The following PXDNL variants were observed in gnomAD, a reference collection of about 807,000 sequenced individuals.
PXDNL encodes peroxidasin like.
In PXDNL, 145 loss-of-function variants were observed where a neutral mutation model predicts 150.8. That is an observed-to-expected ratio of 0.96 (90% CI 0.84 to 1.10). The LOEUF is 1.10. Among genes scored for constraint, PXDNL ranks in the 50% least tolerant of loss-of-function variants. The probability of loss-of-function intolerance (pLI) is 0.00; values close to 1 mark genes in which losing one functional copy is unlikely to be tolerated. For missense variants in PXDNL, 2,087 were observed against 1,873.9 expected, an observed-to-expected ratio of 1.11 and a Z score of -2.10; for synonymous variants, 757 against 725.7, an observed-to-expected ratio of 1.04 and a Z score of -0.69.
intron 12 of PXDNL, chr8:51,435,764 G>C: frequency 2.5e-6 from 1 of 402,150 alleles, no homozygotes; most frequent in South Asian, 2.2e-5. Context: ...TTGCAAGGGG[G>C]AGTGAAAAAA....
intron 1 of PXDNL, among the ~76,000 whole-genome samples, chr8:51,719,543 C>T (rs1335180530): frequency 6.6e-6 from 1 of 151,998 alleles, no homozygotes; most frequent in African/African-American, 2.4e-5. Context: ...AACCAGAGAC[C>T]TTTGTTCACT....
At chr8:51,637,048 C>G (rs1249750383) in intron 2 of PXDNL, among the ~76,000 whole-genome samples, 2 of 152,158 alleles carry the variant, frequency 1.3e-5, no homozygotes, top group African/African-American at 4.8e-5. Flanking sequence ...ATTCACTGCT[C>G]TGCAGCCTCC....
chr8:51,509,085 C>A (rs1219128457), intron 4 of PXDNL, among the ~76,000 whole-genome samples: 1 of 152,142 alleles, frequency 6.6e-6, no homozygotes, highest in South Asian at 2.1e-4. Context: ...AGGCCATAGC[C>A]TATTGTCTAC....
At chr8:51,494,079 C>G (rs374317231) in intron 5 of PXDNL, among the ~76,000 whole-genome samples, 1 of 152,182 alleles carries the variant, frequency 6.6e-6, no homozygotes. Context: ...AACAGCGGAT[C>G]TCTCAGCAGA....
At chr8:51,646,103 T>C (rs1490722184) in intron 2 of PXDNL, among the ~76,000 whole-genome samples, 2 of 152,118 alleles carry the variant, frequency 1.3e-5, no homozygotes, top group Non-Finnish European at 2.9e-5. Context: ...ACCCCTCACG[T>C]GACTAAATTT....
At chr8:51,758,349 A>G (rs1473442669) in intron 1 of PXDNL, among the ~76,000 whole-genome samples, 1 of 152,210 alleles carries the variant, frequency 6.6e-6, no homozygotes, top group Non-Finnish European at 1.5e-5. Context: ...CTAATGTATG[A>G]GTAATTCCCG....
At chr8:51,778,405 T>C (rs979909439) in intron 1 of PXDNL, among the ~76,000 whole-genome samples, 3 of 152,224 alleles carry the variant, frequency 2.0e-5, no homozygotes, top group South Asian at 2.1e-4. Flanking sequence ...GGGAAGTTCT[T>C]TCCTGTCTCC....
intron 1 of PXDNL, among the ~76,000 whole-genome samples, chr8:51,766,972 A>G (rs2037238719): frequency 6.6e-6 from 1 of 152,040 alleles, no homozygotes; most frequent in South Asian, 2.1e-4. Context: ...ATGGTACCCC[A>G]TGGAGCTTTT....
At chr8:51,435,190 A>C (rs1809362242) in intron 12 of PXDNL, among the ~76,000 whole-genome samples, 1 of 152,090 alleles carries the variant, frequency 6.6e-6, no homozygotes, top group Non-Finnish European at 1.5e-5. Context: ...GCATGGTGGC[A>C]CATGCTTGTA....
chr8:51,732,847 T>A (rs1052801034), intron 1 of PXDNL, among the ~76,000 whole-genome samples: 3 of 152,158 alleles, frequency 2.0e-5, no homozygotes, highest in African/African-American at 7.2e-5. Context: ...CCCATCCCCA[T>A]AATTTAATTA....
intron 1 of PXDNL, among the ~76,000 whole-genome samples, chr8:51,740,111 G>A (rs2036888308): frequency 6.6e-6 from 1 of 151,980 alleles, no homozygotes; most frequent in African/African-American, 2.4e-5. Context: ...TAATAAAGAT[G>A]TTACTACGTC....
rs530919047 is a variant in PXDNL at position 51,330,190 on chromosome 8, T to C, written c.4147-9293A>G. On this transcript the variant is annotated intron_variant, in intron 21 of 22. Transcript: ENST00000356297. Reference sequence around the variant, plus strand: ...CTTCAGAAACACCCTCACAGAAACATGAAAAATACTGTTTAACCAGATAGC... The same window carrying C: ...CTTCAGAAACACCCTCACAGAAACACGAAAAATACTGTTTAACCAGATAGC... 4.6e-5 allele frequency among the ~76,000 whole-genome samples: 7 copies of C among 152,190 alleles called. No homozygotes were observed. The East Asian group carries it at 1.4e-3, about 29-fold the overall frequency.
At chr8:51,609,325 G>T (rs572600055) in intron 2 of PXDNL, among the ~76,000 whole-genome samples, 1 of 152,312 alleles carries the variant, frequency 6.6e-6, no homozygotes, top group South Asian at 2.1e-4. Context: ...AATTTATAGA[G>T]TATGAGGACT....
chr8:51,464,664 T>C (rs1810162216), intron 8 of PXDNL, among the ~76,000 whole-genome samples: 2 of 151,924 alleles, frequency 1.3e-5, no homozygotes, highest in Non-Finnish European at 1.5e-5. Flanking sequence ...AGATAAATAA[T>C]GAGTTCTGAT....
chr8:51,453,406 A>T, intron 10 of PXDNL, 113 bp downstream of exon 10: 5 of 1,148,060 alleles, frequency 4.4e-6, no homozygotes, highest in Non-Finnish European at 6.2e-6. Flanking sequence ...TCAAAAAATA[A>T]TTGGCAAATA....
At chr8:51,605,588 C>T (rs899418091) in intron 2 of PXDNL, among the ~76,000 whole-genome samples, 2 of 152,046 alleles carry the variant, frequency 1.3e-5, no homozygotes, top group African/African-American at 4.8e-5. Context: ...AGATGAGGCT[C>T]TTAAATGTAT....
intron 17 of PXDNL, among the ~76,000 whole-genome samples, chr8:51,381,622 CTTTAT>C (rs1333872558): frequency 2.1e-5 from 3 of 141,842 alleles, no homozygotes; most frequent in African/African-American, 7.9e-5. Context: ...TGACTGGTGT[CTTTAT>C]TTATTTATTT....
At chr8:51,708,454 A>G (rs1393780049) in intron 1 of PXDNL, among the ~76,000 whole-genome samples, 1 of 152,260 alleles carries the variant, frequency 6.6e-6, no homozygotes, top group African/African-American at 2.4e-5. Context: ...GAGTTCACAG[A>G]GAGAAGAATA....
intron 10 of PXDNL, among the ~76,000 whole-genome samples, chr8:51,452,762 A>G (rs1021046926): frequency 5.3e-5 from 8 of 152,178 alleles, no homozygotes; most frequent in Non-Finnish European, 1.0e-4. Flanking sequence ...AGCCCCTAAA[A>G]CGGATCATGT....
Sources: allele counts gnomAD v4.1 joint callset (sites outside exome capture counted in the v4.1 genomes callset), GRCh38; gene constraint gnomAD v4.1.1; transcripts MANE v1.5; gene names NCBI Gene and HGNC (gene_info 2026-07-23, HGNC 2026-07-21).